The following ZNF385B variants were observed in gnomAD, a reference collection of about 807,000 sequenced individuals.
ZNF385B encodes zinc finger protein 385B.
Under a neutral mutation model 39.2 loss-of-function variants are expected in ZNF385B, and 23 were observed. That is an observed-to-expected ratio of 0.59 (90% CI 0.42 to 0.83). ZNF385B has a LOEUF of 0.83. Ranked by LOEUF, ZNF385B falls within the 40% of genes least tolerant of loss-of-function variation. The pLI is 0.00. For missense variants in ZNF385B, 552 were observed against 598.9 expected, an observed-to-expected ratio of 0.92 and a Z score of 0.82; for synonymous variants, 205 against 222.6, an observed-to-expected ratio of 0.92 and a Z score of 0.70.
chr2:179,646,181 G>T (rs113248658), intron 3 of ZNF385B, among the ~76,000 whole-genome samples: 27 of 152,286 alleles, frequency 1.8e-4, no homozygotes, highest in African/African-American at 6.5e-4. Flanking sequence ...TTGGGAGGCC[G>T]AGGCGGGCAG....
At chr2:179,478,263 A>C (rs188422879) in intron 6 of ZNF385B, among the ~76,000 whole-genome samples, 4 of 147,456 alleles carry the variant, frequency 2.7e-5, no homozygotes, top group African/African-American at 7.5e-5. Flanking sequence ...ACAATAAAAA[A>C]CATCACTAGG....
intron 3 of ZNF385B, among the ~76,000 whole-genome samples, chr2:179,601,082 G>A (rs1334433080): frequency 6.6e-6 from 1 of 152,132 alleles, no homozygotes; most frequent in African/African-American, 2.4e-5. Context: ...ACCCAGTTGG[G>A]TATCCCAGTC....
intron 5 of ZNF385B, among the ~76,000 whole-genome samples, chr2:179,516,255 A>T (rs1032795449): frequency 6.6e-6 from 1 of 152,192 alleles, no homozygotes; most frequent in Admixed American, 6.5e-5. Context: ...ATATGGATTA[A>T]TATATGTTTT....
chr2:179,493,923 A>T (rs575357169), intron 5 of ZNF385B, among the ~76,000 whole-genome samples: 1 of 150,980 alleles, frequency 6.6e-6, no homozygotes, highest in East Asian at 1.9e-4. Flanking sequence ...TATTCTAGGC[A>T]TTATTCTAAG....
intron 3 of ZNF385B, among the ~76,000 whole-genome samples, chr2:179,661,893 G>A (rs1694521893): frequency 6.6e-6 from 1 of 152,132 alleles, no homozygotes; most frequent in Non-Finnish European, 1.5e-5. Flanking sequence ...TCACTTTTGA[G>A]TCATATACCA....
chr2:179,547,060 T>C lies in ZNF385B; in HGVS notation c.299-2091A>G, dbSNP rs536123483. ...AATGTCTTTTCCGATCTTTTGCCCA[T>C]TTTTTATTCAGGTTTTTAAAATAGA... On this transcript the variant is annotated intron_variant, in intron 3 of 9. Transcript: ENST00000410066. 1.9e-4 allele frequency among the ~76,000 whole-genome samples: 29 copies of C among 149,810 alleles called. 1 individual carries two copies. The highest frequency in any genetic ancestry group is 4.1e-4 in the Non-Finnish European group (28 of 67,678).
chr2:179,732,416 A>G (rs1245319580), intron 3 of ZNF385B, among the ~76,000 whole-genome samples: 1 of 152,248 alleles, frequency 6.6e-6, no homozygotes, highest in East Asian at 1.9e-4. Flanking sequence ...TGAAAATCCA[A>G]TAGCATCATC....
chr2:179,474,848 A>T, intron 6 of ZNF385B, among the ~76,000 whole-genome samples: 1 of 152,220 alleles, frequency 6.6e-6, no homozygotes, highest in Non-Finnish European at 1.5e-5. Context: ...GAACATCAAT[A>T]ACAGGCATTT....
chr2:179,720,897 C>T (rs1263432133), intron 3 of ZNF385B, among the ~76,000 whole-genome samples: 2 of 147,102 alleles, frequency 1.4e-5, no homozygotes, highest in Non-Finnish European at 3.0e-5. Flanking sequence ...GTAGCTGTGA[C>T]TACAGTTGTG....
chr2:179,835,932 C>T (rs764382006), intron 1 of ZNF385B, among the ~76,000 whole-genome samples: 74 of 152,138 alleles, frequency 4.9e-4, no homozygotes, highest in African/African-American at 1.7e-3. Context: ...CTTCACAAAT[C>T]GTTAAGTGTA....
At chr2:179,607,362 C>G (rs910076148) in intron 3 of ZNF385B, among the ~76,000 whole-genome samples, 17 of 152,082 alleles carry the variant, frequency 1.1e-4, no homozygotes, top group African/African-American at 4.1e-4. Flanking sequence ...TGAGAGAGTT[C>G]TCATGAGATC....
intron 3 of ZNF385B, among the ~76,000 whole-genome samples, chr2:179,733,038 A>G (rs1197923897): frequency 1.3e-5 from 2 of 152,214 alleles, no homozygotes; most frequent in Non-Finnish European, 2.9e-5. Context: ...TAGAAGTTTT[A>G]AAGGAGGGAC....
intron 3 of ZNF385B, among the ~76,000 whole-genome samples, chr2:179,641,053 T>C (rs1692221517): frequency 6.6e-6 from 1 of 151,610 alleles, no homozygotes; most frequent in African/African-American, 2.4e-5. Flanking sequence ...GAGGTCTGTA[T>C]CTACATTATG....
At chr2:179,565,106 T>G (rs906555395) in intron 3 of ZNF385B, among the ~76,000 whole-genome samples, 3 of 152,196 alleles carry the variant, frequency 2.0e-5, no homozygotes, top group Non-Finnish European at 4.4e-5. Context: ...AATCATTGTA[T>G]TCACCTTGTA....
At chr2:179,845,666 T>C (rs1412653997) in intron 1 of ZNF385B, among the ~76,000 whole-genome samples, 1 of 152,196 alleles carries the variant, frequency 6.6e-6, no homozygotes, top group Non-Finnish European at 1.5e-5. Context: ...CAAAGCAACA[T>C]GTGTACACAT....
chr2:179,443,435 G>A lies in ZNF385B; in HGVS notation c.1276C>T (p.Pro426Ser), dbSNP rs773636262. ...KLAFQKDMMKPLAPAFLSSPL... is the reference protein window; with the variant it reads ...KLAFQKDMMKSLAPAFLSSPL... ...GAGGACAGGAAGGCTGGGGCCAAAG[G>A]CTTCATCATATCTTTCTGGAATGCA... Residue 426 changes from proline (P) to serine (S), a missense_variant, in exon 10 of 10, where the codon CCT becomes TCT. Transcript: ENST00000410066. 6.2e-7 allele frequency: 1 copy of A among 1,608,124 alleles called. No individual in the cohort carries two copies. Among genetic ancestry groups the A allele is most frequent in the Middle Eastern group, 1.7e-4 (1 of 5,874 alleles).
At position 179,449,812 on chromosome 2, in the gene ZNF385B, G is replaced by T. The variant is rs528097969; in HGVS notation, c.716-3042C>A. Among the ~76,000 whole-genome samples, 579 of 152,230 alleles carry T rather than the reference G, an allele frequency of 3.8e-3. 4 individuals are homozygous for T. Among genetic ancestry groups the T allele is most frequent in the African/African-American group, 0.013 (558 of 41,522 alleles). ...TCGCCAAGTCAATCCTAAGCCAAAA[G>T]AACAAAGCTGGAGGCATCATGCTAC... On this transcript the variant is annotated intron_variant, in intron 6 of 9. Transcript: ENST00000410066.
chr2:179,809,634 T>C (rs1381905133), intron 1 of ZNF385B, among the ~76,000 whole-genome samples: 1 of 152,064 alleles, frequency 6.6e-6, no homozygotes, highest in Non-Finnish European at 1.5e-5. Context: ...GGAAGTATCA[T>C]TAAAGAAACA....
chr2:179,634,215 T>A (rs921676343), intron 3 of ZNF385B, among the ~76,000 whole-genome samples: 7 of 128,754 alleles, frequency 5.4e-5, no homozygotes, highest in African/African-American at 1.9e-4. Context: ...AAATGGGATC[T>A]AATTAAAGAG....
Sources: allele counts gnomAD v4.1 joint callset (sites outside exome capture counted in the v4.1 genomes callset), GRCh38; gene constraint gnomAD v4.1.1; transcripts MANE v1.5; gene names NCBI Gene and HGNC (gene_info 2026-07-23, HGNC 2026-07-21).